Variants in ARRB2 observed in about 807,000 individuals in gnomAD.
ARRB2 encodes arrestin beta 2, also known as beta-arrestin-2.
Under a neutral mutation model 53.4 loss-of-function variants are expected in ARRB2, and 21 were observed. The observed-to-expected ratio is 0.39, with a 90% confidence interval of 0.28 to 0.57. The LOEUF is 0.57. Among genes scored for constraint, ARRB2 ranks in the 20% least tolerant of loss-of-function variants. The probability of loss-of-function intolerance (pLI) is 0.55; values close to 1 mark genes in which losing one functional copy is unlikely to be tolerated. For missense variants in ARRB2, 369 were observed against 527.5 expected, an observed-to-expected ratio of 0.70 and a Z score of 2.94; for synonymous variants, 180 against 212.9, an observed-to-expected ratio of 0.85 and a Z score of 1.34.
intron 1 of ARRB2, among the ~76,000 whole-genome samples, chr17:4,712,255 G>A (rs1467134490): frequency 4.6e-5 from 7 of 152,248 alleles, no homozygotes; most frequent in Non-Finnish European, 1.0e-4. Flanking sequence ...CTACCATATC[G>A]ATGTGTATTC....
chr17:4,720,011 C>T (rs1567686941), intron 11 of ARRB2, among the ~76,000 whole-genome samples: 2 of 152,182 alleles, frequency 1.3e-5, no homozygotes, highest in African/African-American at 2.4e-5. Flanking sequence ...CGGAGAAGGA[C>T]GTCAGCTTTT....
At chr17:4,720,675 G>A (rs1915612838) in intron 14 of ARRB2, 35 bp downstream of exon 14, 1 of 1,500,120 alleles carries the variant, frequency 6.7e-7, no homozygotes, top group Non-Finnish European at 9.0e-7. Context: ...ACCCTCTTGG[G>A]ACAAAGATTC....
intron 2 of ARRB2, chr17:4,715,567 G>A (rs909684805): frequency 9.0e-5 from 16 of 178,596 alleles, no homozygotes; most frequent in South Asian, 1.5e-4. Context: ...ACACACACAC[G>A]GACACACACA....
intron 1 of ARRB2, among the ~76,000 whole-genome samples, chr17:4,712,591 T>C (rs547558039): frequency 6.6e-6 from 1 of 152,354 alleles, no homozygotes; most frequent in South Asian, 2.1e-4. Flanking sequence ...TATCTGAGGA[T>C]CCTTTCCAGG....
rs774184306 is a variant in ARRB2, at chr17:4,717,656, A to G, written c.418-29A>G. On this transcript the variant is annotated intron_variant, in intron 6 of 14. Transcript: ENST00000269260. The surrounding 1 kb of genome is among the most constrained non-coding windows in gnomAD (Gnocchi z 6.0). ...AGTGATGGTGGCGGGAGCCTCCGGT[A>G]AGATGTGGCCTTTTCTCCCCTCCCC... 4 of 1,613,732 alleles carry G rather than the reference A, an allele frequency of 2.5e-6. No homozygotes were observed. The highest frequency in any genetic ancestry group is 3.4e-6 in the Non-Finnish European group (4 of 1,179,922).
In ARRB2 at chr17:4,710,711, G is replaced by A; in HGVS notation, c.-11G>A. ...GAGCCGCGAACCGAGCGGGCGGCGG[G>A]CGCGCGCACCATGGGGGAGAAACCC... is the stretch of plus-strand genomic sequence containing the variant. On this transcript the variant is annotated 5_prime_UTR_variant, in exon 1 of 15. Coordinates refer to ENST00000269260, the MANE Select transcript of ARRB2 (RefSeq NM_004313.4). 2.5e-6 allele frequency: 1 copy of A among 399,102 alleles called. No homozygotes were observed. The highest frequency in any genetic ancestry group is 4.4e-6 in the Non-Finnish European group (1 of 226,298). The allele number at this position is 399,102 out of a possible 1,614,324, so 24.7% of individuals were successfully genotyped here.
At chr17:4,715,474 C>CACACACACAG in intron 2 of ARRB2, 2 of 243,554 alleles carry the variant, frequency 8.2e-6, no homozygotes, top group Non-Finnish European at 1.5e-5. Flanking sequence ...GATCCAAACA[C>CACACACACAG]ACACACACAC....
rs111341364 is a variant in ARRB2, at chr17:4,719,530, A to C, written c.917+110A>C. On this transcript the variant is annotated intron_variant, in intron 11 of 14. Transcript: ENST00000269260. ...TCAGTGAACAGAAGAGACAAAAAGA[A>C]CTCTTACATTCTAGGGGAGGGAGGA... The C allele has an allele frequency of 2.1e-5, 31 of 1,452,776 alleles. 1 individual carries two copies. The highest frequency in any genetic ancestry group is 1.7e-4 in the African/African-American group (12 of 70,992). The allele number at this position is 1,452,776 out of a possible 1,614,324, so 90.0% of individuals were successfully genotyped here.
At position 4,718,286 on chromosome 17, in the gene ARRB2, A is replaced by T; in HGVS notation, c.647A>T (p.Asn216Ile). The change falls in exon 9 of 15, where the codon AAT becomes ATT. Residue 216 changes from asparagine to isoleucine, a missense_variant. By Grantham distance (149) the Asn-to-Ile change is moderately radical. Coordinates refer to ENST00000269260, the MANE Select transcript of ARRB2 (RefSeq NM_004313.4). ...CTGTACTACCATGGGGAGCCCCTCA[A>T]TGTAAATGTCCACGTCACCAACAAC... is the stretch of plus-strand genomic sequence containing the variant. Reference protein sequence around the residue: ...KELYYHGEPLNVNVHVTNNST... With the variant: ...KELYYHGEPLIVNVHVTNNST... 2 of 1,612,358 alleles carry T rather than the reference A, an allele frequency of 1.2e-6. No homozygotes were observed. The highest frequency in any genetic ancestry group is 1.7e-6 in the Non-Finnish European group (2 of 1,179,278).
At position 4,717,997 on chromosome 17, in the gene ARRB2, C is replaced by T. The variant is rs763090389; in HGVS notation, c.595C>T (p.His199Tyr). 3.1e-6 allele frequency: 5 copies of T among 1,613,608 alleles called. No homozygotes were observed. The highest frequency in any genetic ancestry group is 4.2e-6 in the Non-Finnish European group (5 of 1,180,024). ...CTTCCTCATGTCTGACCGGTCCCTG[C>T]ACCTCGAGGCTTCCCTGGACAAGGA... ...RHFLMSDRSL[H>Y]LEASLDKELY... The change falls in exon 8 of 15, where the codon CAC (histidine) becomes TAC (tyrosine). Residue 199 changes from histidine (H) to tyrosine (Y), a missense_variant. His to Tyr is a moderately conservative substitution (Grantham distance 83). Coordinates refer to ENST00000269260, the MANE Select transcript of ARRB2 (RefSeq NM_004313.4). This position sits in a 1 kb window ranked among gnomAD's most constrained non-coding sequence, Gnocchi z 6.0.
At chr17:4,719,757 C>A (rs1322730925) in intron 11 of ARRB2, among the ~76,000 whole-genome samples, 3 of 152,110 alleles carry the variant, frequency 2.0e-5, no homozygotes, top group Non-Finnish European at 4.4e-5. Context: ...AGAGGTGGGG[C>A]AGCCTGGGGT....
In ARRB2 at chr17:4,713,474, TA is replaced by T. The variant is rs893342443; in HGVS notation, c.24-1538del. On this transcript the variant is annotated intron_variant, in intron 1 of 14. Transcript: ENST00000269260. ...AGTGAAACCCCATCTCTACTAAAAA[TA>T]CCAAAATTCGCCGGGCGTGGTGGTG... is the stretch of plus-strand genomic sequence containing the variant. 5.3e-5 allele frequency among the ~76,000 whole-genome samples: 8 copies of T among 151,154 alleles called. No homozygotes were observed. In the East Asian group the frequency reaches 5.8e-4, roughly 11 times the overall value.
At position 4,717,627 on chromosome 17, in the gene ARRB2, G is replaced by C; in HGVS notation, c.418-58G>C. 6.2e-7 allele frequency: 1 copy of C among 1,606,668 alleles called. No individual in the cohort carries two copies. On this transcript the variant is annotated intron_variant, in intron 6 of 14. Coordinates refer to ENST00000269260, the MANE Select transcript of ARRB2 (RefSeq NM_004313.4). This position sits in a 1 kb window ranked among gnomAD's most constrained non-coding sequence, Gnocchi z 6.0. ...AGAGGAGGGAAGGGGGAGGAAGAAA[G>C]GGCAGTGATGGTGGCGGGAGCCTCC... is the stretch of plus-strand genomic sequence containing the variant.
chr17:4,720,866 G>A, intron 14 of ARRB2, 80 bp from the exon 15 acceptor site: 1 of 1,453,406 alleles, frequency 6.9e-7, no homozygotes, highest in Non-Finnish European at 9.6e-7. Context: ...CAGAGGCCTA[G>A]CTTCGGGGAG....
At chr17:4,710,910 T>TG (rs1190653694) in intron 1 of ARRB2, among the ~76,000 whole-genome samples, 166 bp downstream of exon 1, 1 of 97,434 alleles carries the variant, frequency 1.0e-5, no homozygotes, top group Admixed American at 1.0e-4. Context: ...ATAATGAGGG[T>TG]GGGGGGGAAA....
In ARRB2 at chr17:4,720,624, ATTGAAT is replaced by A. The variant is rs768927033; in HGVS notation, c.1125_1130del (p.Glu375_Phe376del). On this transcript the variant is annotated inframe_deletion, in exon 14 of 15. Transcript: ENST00000269260. ...AGATGTCCCTGTGGACACCAACCTC[ATTGAAT>A]TTGATACCAAGTAAGAAACTCATTC... The A allele has an allele frequency of 6.3e-7, 1 of 1,583,066 alleles. No individual in the cohort carries two copies. Among genetic ancestry groups the A allele is most frequent in the South Asian group, 1.1e-5 (1 of 87,060 alleles).
chr17:4,720,970 G>A lies in ARRB2; in HGVS notation c.1161G>A (p.Val387=), dbSNP rs1915641993. 1.9e-6 allele frequency: 3 copies of A among 1,613,878 alleles called. No homozygotes were observed. The highest frequency in any genetic ancestry group is 1.3e-5 in the African/African-American group (1 of 74,864). Residue 387 remains valine (V), a synonymous_variant, in exon 15 of 15, where the codon GTG becomes GTA. Transcript: ENST00000269260. ...GCTATGCCACAGATGATGACATTGT[G>A]TTTGAGGACTTTGCCCGGCTTCGGC... ...DTNYATDDDI[V]FEDFARLRLK...
intron 10 of ARRB2, 43 bp from the exon 11 acceptor site, chr17:4,719,240 C>T (rs36014504): frequency 1.7e-5 from 27 of 1,590,168 alleles, no homozygotes; most frequent in Non-Finnish European, 2.2e-5. Flanking sequence ...CCTTGCCCAG[C>T]CCAGCGCCCC....
intron 1 of ARRB2, among the ~76,000 whole-genome samples, chr17:4,712,594 T>A (rs1410024606): frequency 6.6e-6 from 1 of 152,244 alleles, no homozygotes; most frequent in Non-Finnish European, 1.5e-5. Context: ...CTGAGGATCC[T>A]TTCCAGGGAT....
Sources: allele counts gnomAD v4.1 joint callset (sites outside exome capture counted in the v4.1 genomes callset), GRCh38; gene constraint gnomAD v4.1.1; non-coding constraint Gnocchi (gnomAD v3.1); transcripts MANE v1.5; gene names NCBI Gene and HGNC (gene_info 2026-07-23, HGNC 2026-07-21).